The following SPAG16 variants were observed in gnomAD, a reference collection of about 807,000 sequenced individuals.
SPAG16 encodes the protein sperm associated antigen 16.
Under a neutral mutation model 80.4 loss-of-function variants are expected in SPAG16, and 86 were observed. The observed-to-expected ratio is 1.07, with a 90% CI of 0.90 to 1.28. The LOEUF (loss-of-function observed/expected upper bound fraction) is 1.28. Among genes scored for constraint, SPAG16 ranks in the 50% most tolerant of loss-of-function variants. The pLI is 0.00. For synonymous variants in SPAG16, 294 were observed against 265.9 expected (o/e 1.11, Z -1.03); for missense variants, 870 against 765.3 (o/e 1.14, Z -1.61).
At chr2:213,994,554 G>A (rs941684325) in intron 12 of SPAG16, among the ~76,000 whole-genome samples, 2 of 149,818 alleles carry the variant, frequency 1.3e-5, no homozygotes, top group African/African-American at 4.9e-5. Context: ...AGGTATTTCA[G>A]AGGGAGAAAA....
At chr2:213,447,699 G>A (rs1220783277) in intron 9 of SPAG16, among the ~76,000 whole-genome samples, 1 of 152,200 alleles carries the variant, frequency 6.6e-6, no homozygotes, top group East Asian at 1.9e-4. Context: ...TTCCTATACA[G>A]AGTTGTGTTA....
intron 15 of SPAG16, among the ~76,000 whole-genome samples, chr2:214,267,818 G>C (rs1691693311): frequency 6.6e-6 from 1 of 151,702 alleles, no homozygotes; most frequent in Admixed American, 6.6e-5. Context: ...AATTTGTATG[G>C]AACTACATGG....
intron 10 of SPAG16, among the ~76,000 whole-genome samples, chr2:213,614,538 A>T (rs1221355925): frequency 1.3e-5 from 2 of 152,178 alleles, no homozygotes; most frequent in African/African-American, 2.4e-5. Context: ...GCATCAGAGA[A>T]TAAATACCCA....
chr2:213,869,995 A>C (rs1409089097), intron 11 of SPAG16, among the ~76,000 whole-genome samples: 1 of 152,170 alleles, frequency 6.6e-6, no homozygotes, highest in African/African-American at 2.4e-5. Flanking sequence ...CAAGTATTGC[A>C]ATTGTACGTA....
At chr2:213,656,538 G>A (rs576125899) in intron 10 of SPAG16, among the ~76,000 whole-genome samples, 1 of 152,302 alleles carries the variant, frequency 6.6e-6, no homozygotes, top group South Asian at 2.1e-4. Flanking sequence ...TGTTGAAGAA[G>A]TCAGGCCATG....
In SPAG16 at chr2:213,460,680, A is replaced by G. The variant is rs75071849; in HGVS notation, c.943-29283A>G. ...CATGTGCATGGCTAGAAGTCAAAAG[A>G]TAGAACTTAAATCAGACTCTTTGAA... On this transcript the variant is annotated intron_variant, in intron 9 of 15. Coordinates refer to ENST00000331683, the MANE Select transcript of SPAG16 (RefSeq NM_024532.5). Among the ~76,000 whole-genome samples, 840 of 152,340 alleles carry G rather than the reference A, an allele frequency of 5.5e-3. 1 individual carries two copies. Among genetic ancestry groups the G allele is most frequent in the Non-Finnish European group, 8.6e-3 (582 of 68,008 alleles).
intron 9 of SPAG16, among the ~76,000 whole-genome samples, chr2:213,402,997 C>T (rs1351410591): frequency 1.2e-4 from 18 of 151,880 alleles, no homozygotes; most frequent in Non-Finnish European, 2.5e-4. Context: ...CCTGAGGAAT[C>T]GCCACACTGA....
chr2:214,115,618 C>T (rs950960126), intron 14 of SPAG16, among the ~76,000 whole-genome samples: 1 of 152,120 alleles, frequency 6.6e-6, no homozygotes, highest in Non-Finnish European at 1.5e-5. Context: ...GTGGCTCATG[C>T]CTGTAATCCC....
chr2:214,344,355 C>T (rs1371985478), intron 15 of SPAG16, among the ~76,000 whole-genome samples: 1 of 152,110 alleles, frequency 6.6e-6, no homozygotes, highest in Admixed American at 6.6e-5. Flanking sequence ...TTTCAAACTT[C>T]AAAAATCAAA....
chr2:213,289,307 T>C lies in SPAG16; in HGVS notation c.136+4688T>C, dbSNP rs377674609. ...CTGGCTTAGAAGTTGGAAAGACTTA[T>C]ACCACCAGCTGCCATGAGCACTGAG... On this transcript the variant is annotated intron_variant, in intron 1 of 15. Coordinates refer to ENST00000331683, the MANE Select transcript of SPAG16 (RefSeq NM_024532.5). Among the ~76,000 whole-genome samples the C allele has an allele frequency of 1.2e-4, 18 of 152,354 alleles. No individual in the cohort carries two copies. The East Asian group carries it at 2.5e-3, about 21-fold the overall frequency.
chr2:214,201,869 A>G (rs1220569558), intron 15 of SPAG16, among the ~76,000 whole-genome samples: 2 of 150,982 alleles, frequency 1.3e-5, no homozygotes, highest in Non-Finnish European at 3.0e-5. Context: ...TTTTTTAGAC[A>G]GGGTCTTGCT....
chr2:213,703,738 C>T (rs2065610183), intron 10 of SPAG16, among the ~76,000 whole-genome samples: 1 of 152,188 alleles, frequency 6.6e-6, no homozygotes, highest in Admixed American at 6.5e-5. Flanking sequence ...AGTGACTAAG[C>T]AAGAATGTGG....
chr2:213,751,767 T>G (rs895048826), intron 10 of SPAG16, among the ~76,000 whole-genome samples: 1 of 152,166 alleles, frequency 6.6e-6, no homozygotes, highest in Non-Finnish European at 1.5e-5. Context: ...TAAACAAGTT[T>G]CCTGTGAAAG....
At chr2:213,517,983 T>C (rs539529733) in intron 10 of SPAG16, among the ~76,000 whole-genome samples, 3 of 152,178 alleles carry the variant, frequency 2.0e-5, no homozygotes, top group African/African-American at 7.2e-5. Context: ...AGAGTTTCTG[T>C]ACAACAAAAG....
intron 10 of SPAG16, among the ~76,000 whole-genome samples, chr2:213,711,709 G>T (rs2065995410): frequency 6.6e-6 from 1 of 151,664 alleles, no homozygotes; most frequent in Admixed American, 6.6e-5. Flanking sequence ...TACTAGAGAT[G>T]GGATTTCACC....
intron 10 of SPAG16, among the ~76,000 whole-genome samples, chr2:213,611,419 GA>G (rs1209323376): frequency 1.3e-5 from 2 of 152,064 alleles, no homozygotes; most frequent in African/African-American, 4.8e-5. Context: ...CATACTATTT[GA>G]AAAAATAAAT....
rs140228906 is a variant in SPAG16, at chr2:214,000,246, G to A, written c.1401-13705G>A. ...GGAGATCATTTGAATTATCAGAGCGGTTTCCCCCACACTGTTCTCAGGGTA... is the reference window on the plus strand; with the variant it reads ...GGAGATCATTTGAATTATCAGAGCGATTTCCCCCACACTGTTCTCAGGGTA... On this transcript the variant is annotated intron_variant, in intron 12 of 15. Transcript: ENST00000331683. 2.3e-4 allele frequency among the ~76,000 whole-genome samples: 35 copies of A among 152,210 alleles called. No individual in the cohort carries two copies. The East Asian group carries it at 5.6e-3, about 24-fold the overall frequency.
chr2:214,158,848 C>T (rs532908744), intron 15 of SPAG16, among the ~76,000 whole-genome samples: 25 of 152,036 alleles, frequency 1.6e-4, no homozygotes, highest in East Asian at 5.8e-4. Context: ...AACTATATAA[C>T]GATGCACACA....
At chr2:213,619,642 TA>T (rs1276960102) in intron 10 of SPAG16, among the ~76,000 whole-genome samples, 1 of 151,748 alleles carries the variant, frequency 6.6e-6, no homozygotes, top group South Asian at 2.1e-4. Context: ...ATAGCTAATA[TA>T]AAAAAAGACA....
Sources: allele counts gnomAD v4.1 joint callset (sites outside exome capture counted in the v4.1 genomes callset), GRCh38; gene constraint gnomAD v4.1.1; transcripts MANE v1.5; gene names NCBI Gene and HGNC (gene_info 2026-07-23, HGNC 2026-07-21).